ARHGAP6: variants seen among roughly 807,000 people sequenced by gnomAD.
ARHGAP6 encodes the protein Rho GTPase activating protein 6, also known as rho GTPase-activating protein 6.
ARHGAP6 carries 16 observed loss-of-function variants against 55.7 expected under a neutral mutation model. That is an observed-to-expected ratio of 0.29 (90% confidence interval 0.19 to 0.44). The LOEUF (loss-of-function observed/expected upper bound fraction) is 0.44, where lower values mean the gene tolerates loss of function less well. ARHGAP6 is among the 20% of genes least tolerant of loss of function. The pLI, the probability that ARHGAP6 is intolerant of heterozygous loss-of-function variation, is 1.00. For missense variants in ARHGAP6, 698 were observed against 808.9 expected (o/e 0.86, Z 1.66); for synonymous variants, 382 against 360.9 (o/e 1.06, Z -0.66).
At chrX:11,196,692 C>T (rs2046545985) in intron 3 of ARHGAP6, among the ~76,000 whole-genome samples, 1 of 111,639 alleles carries the variant, frequency 9.0e-6, no homozygotes, top group South Asian at 3.8e-4. Flanking sequence ...ATTGGAACCA[C>T]AAACTTGGCC....
chrX:11,550,532 T>G (rs4830452), intron 1 of ARHGAP6, among the ~76,000 whole-genome samples: 10,302 of 111,486 alleles, frequency 0.092, 524 homozygotes, highest in East Asian at 0.18. Context: ...CTTTAGTTTC[T>G]AAATCTCCTG....
rs1324903771 is a variant in ARHGAP6 at position 11,144,179 on chromosome X, G to A, written c.1977C>T (p.Asn659=). 1.3e-5 allele frequency: 16 copies of A among 1,210,339 alleles called. No individual in the cohort carries two copies. The highest frequency in any genetic ancestry group is 1.8e-5 in the Non-Finnish European group (16 of 895,285). The change falls in exon 11 of 13, where the codon AAC becomes AAT. Residue 659 remains asparagine, a synonymous_variant. Transcript: ENST00000337414. ...GGGAGATGTCTCCGCTGGAGGCCTT[G>A]TTGGAGTCTGTAGATGAATGCCTCC... ...VGGRHSSTDS[N]KASSGDISPY...
intron 7 of ARHGAP6, 115 bp downstream of exon 7, chrX:11,179,187 G>A: frequency 1.3e-6 from 1 of 747,302 alleles, no homozygotes; most frequent in Non-Finnish European, 1.9e-6. Flanking sequence ...ACTCTTTAGA[G>A]ATTGATAAAT....
chrX:11,665,704 G>A lies in ARHGAP6; in HGVS notation c.-876C>T, dbSNP rs2052750909. ...AACACGCTATTCGCAGCCCAGCCTT[G>A]GGCCCAGGGCAGACGCGGAGATGAC... is the stretch of plus-strand genomic sequence containing the variant. On this transcript the variant is annotated 5_prime_UTR_variant, in exon 1 of 13. Coordinates refer to ENST00000337414, the MANE Select transcript of ARHGAP6 (RefSeq NM_013427.3). 8.9e-6 allele frequency: 1 copy of A among 112,978 alleles called. No homozygotes were observed. 9.3% of individuals were successfully genotyped at this position (112,978 alleles called of 1,213,427 possible).
At chrX:11,286,455 A>C (rs1280013364) in intron 1 of ARHGAP6, among the ~76,000 whole-genome samples, 1 of 111,451 alleles carries the variant, frequency 9.0e-6, no homozygotes, top group African/African-American at 3.3e-5. Context: ...CTTGGGGTAC[A>C]AACTTTGGAC....
intron 9 of ARHGAP6, among the ~76,000 whole-genome samples, chrX:11,157,733 C>G (rs939576366): frequency 1.2e-4 from 14 of 112,523 alleles, no homozygotes; most frequent in Admixed American, 7.5e-4. Context: ...GAATTTGCTT[C>G]TTGCCTCTTG....
At chrX:11,530,800 G>A (rs1402499861) in intron 1 of ARHGAP6, among the ~76,000 whole-genome samples, 2 of 111,567 alleles carry the variant, frequency 1.8e-5, no homozygotes, top group African/African-American at 6.5e-5. Context: ...GAACAGCTGG[G>A]GGAGGCCTAT....
intron 8 of ARHGAP6, among the ~76,000 whole-genome samples, chrX:11,174,558 C>T (rs2046146066): frequency 9.7e-5 from 8 of 82,557 alleles, no homozygotes; most frequent in African/African-American, 3.0e-4. Flanking sequence ...TCCTTCCTTC[C>T]TTCCTTCCTT....
chrX:11,603,339 AT>A (rs773065942), intron 1 of ARHGAP6, among the ~76,000 whole-genome samples: 11 of 111,221 alleles, frequency 9.9e-5, no homozygotes, highest in Non-Finnish European at 1.3e-4. Context: ...TAATTTTATA[AT>A]TTTTTTTTAA....
At chrX:11,663,832 T>C (rs2052725676) in intron 1 of ARHGAP6, among the ~76,000 whole-genome samples, 1 of 112,624 alleles carries the variant, frequency 8.9e-6, no homozygotes, top group South Asian at 3.6e-4. Context: ...CTGAATTCTC[T>C]ACAGAACAAG....
chrX:11,525,407 A>G (rs1172298359), intron 1 of ARHGAP6, among the ~76,000 whole-genome samples: 5 of 111,783 alleles, frequency 4.5e-5, no homozygotes, highest in African/African-American at 1.6e-4. Flanking sequence ...ATCCTTTTCA[A>G]CTCTGCAATT....
At chrX:11,546,428 T>C (rs1282180852) in intron 1 of ARHGAP6, among the ~76,000 whole-genome samples, 1 of 111,896 alleles carries the variant, frequency 8.9e-6, no homozygotes, top group African/African-American at 3.2e-5. Flanking sequence ...ATATCTTCTT[T>C]CCCAAATTCC....
intron 9 of ARHGAP6, among the ~76,000 whole-genome samples, chrX:11,158,137 C>T (rs1226025149): frequency 8.9e-6 from 1 of 112,135 alleles, no homozygotes; most frequent in African/African-American, 3.2e-5. Context: ...GGTAAACCAA[C>T]TGCTACCCAA....
intron 2 of ARHGAP6, among the ~76,000 whole-genome samples, chrX:11,228,164 A>G (rs900110986): frequency 8.9e-6 from 1 of 111,751 alleles, no homozygotes; most frequent in African/African-American, 3.3e-5. Context: ...GTGATAACAA[A>G]TGGTCACTAC....
intron 1 of ARHGAP6, among the ~76,000 whole-genome samples, chrX:11,528,192 C>T (rs1472607167): frequency 8.9e-6 from 1 of 112,089 alleles, no homozygotes; most frequent in East Asian, 2.8e-4. Flanking sequence ...CTGTGTGTGT[C>T]TGTGTTTCTT....
At chrX:11,276,166 C>G (rs757303380) in intron 1 of ARHGAP6, among the ~76,000 whole-genome samples, 73 of 111,416 alleles carry the variant, frequency 6.6e-4, no homozygotes, top group Non-Finnish European at 7.4e-4. Context: ...TTCCAGAAAA[C>G]TCTAACGTCA....
At chrX:11,488,400 G>A (rs1017084348) in intron 1 of ARHGAP6, among the ~76,000 whole-genome samples, 1 of 111,699 alleles carries the variant, frequency 9.0e-6, no homozygotes, top group Non-Finnish European at 1.9e-5. Flanking sequence ...CCATTACTTC[G>A]ACCTTTTTGT....
rs61462099 is a variant in ARHGAP6, at chrX:11,323,866, CAAAAAA to C, written c.589-69165_589-69160del. On this transcript the variant is annotated intron_variant, in intron 1 of 12. Coordinates refer to ENST00000337414, the MANE Select transcript of ARHGAP6 (RefSeq NM_013427.3). ...GTGACAAGAGTGAAAACCCCCATTT[CAAAAAA>C]AAAAAAAAAAAAAAAGAAAAAAGAA... Among the ~76,000 whole-genome samples, 9 of 40,299 alleles carry C rather than the reference CAAAAAA, an allele frequency of 2.2e-4. No individual in the cohort carries two copies. In the Admixed American group the frequency reaches 2.4e-3, roughly 11 times the overall value. The allele number at this position is 40,299 out of a possible 115,157, so 35.0% of individuals were successfully genotyped here.
chrX:11,230,078 G>A (rs2047104982), intron 2 of ARHGAP6, among the ~76,000 whole-genome samples: 1 of 112,402 alleles, frequency 8.9e-6, no homozygotes, highest in Non-Finnish European at 1.9e-5. Context: ...GGCAAAATAA[G>A]CACTGCAGAG....
Sources: allele counts gnomAD v4.1 joint callset (sites outside exome capture counted in the v4.1 genomes callset), GRCh38; gene constraint gnomAD v4.1.1; transcripts MANE v1.5; gene names NCBI Gene and HGNC (gene_info 2026-07-23, HGNC 2026-07-21).